The following YWHAQ variants were observed in gnomAD, a reference collection of about 807,000 sequenced individuals.
The protein encoded by YWHAQ is 14-3-3 protein theta.
Under a neutral mutation model 28.3 loss-of-function variants are expected in YWHAQ, and 6 were observed. That is an observed-to-expected ratio of 0.21 (90% CI 0.12 to 0.42). The LOEUF (loss-of-function observed/expected upper bound fraction) is 0.42. YWHAQ is among the 10% of genes least tolerant of loss of function. YWHAQ has a pLI of 1.00. For missense variants in YWHAQ, 201 were observed against 305.6 expected (o/e 0.66, Z 2.55); for synonymous variants, 143 against 119.1 (o/e 1.20, Z -1.31).
At chr2:9,607,019 G>A (rs971885504) in intron 2 of YWHAQ, among the ~76,000 whole-genome samples, 1 of 151,380 alleles carries the variant, frequency 6.6e-6, no homozygotes, top group East Asian at 1.9e-4. Flanking sequence ...CAAGTAGCTG[G>A]GATTACACGT....
At chr2:9,623,734 T>G (rs139130556) in intron 2 of YWHAQ, among the ~76,000 whole-genome samples, 2 of 152,220 alleles carry the variant, frequency 1.3e-5, no homozygotes, top group Non-Finnish European at 2.9e-5. Flanking sequence ...ATTGCGCCAC[T>G]GCACTCTAGC....
intron 2 of YWHAQ, among the ~76,000 whole-genome samples, chr2:9,615,812 C>CA (rs1420583093): frequency 6.6e-6 from 1 of 152,028 alleles, no homozygotes; most frequent in Non-Finnish European, 1.5e-5. Context: ...TAGGAGAACT[C>CA]AAAGAACACG....
chr2:9,624,098 A>G (rs1667198818), intron 2 of YWHAQ, among the ~76,000 whole-genome samples: 1 of 152,180 alleles, frequency 6.6e-6, no homozygotes, highest in Non-Finnish European at 1.5e-5. Context: ...TCTACAAAAA[A>G]TACAAAAATT....
chr2:9,621,686 A>G (rs907160908), intron 2 of YWHAQ, among the ~76,000 whole-genome samples: 7 of 152,176 alleles, frequency 4.6e-5, no homozygotes, highest in Non-Finnish European at 8.8e-5. Context: ...ACCCAAACCC[A>G]TATCAACTAA....
chr2:9,590,677 G>A (rs563236497), intron 3 of YWHAQ, among the ~76,000 whole-genome samples: 4 of 151,624 alleles, frequency 2.6e-5, no homozygotes, highest in South Asian at 2.1e-4. Context: ...TAGGCAATTC[G>A]GTCACTTTTT....
chr2:9,585,524 T>G (rs1361437512), intron 5 of YWHAQ, among the ~76,000 whole-genome samples, 179 bp from the exon 6 acceptor site: 4 of 152,194 alleles, frequency 2.6e-5, no homozygotes, highest in Non-Finnish European at 5.9e-5. Context: ...AAGTACATCC[T>G]TGCAGACCTT....
At chr2:9,610,197 A>G (rs919301739) in intron 2 of YWHAQ, among the ~76,000 whole-genome samples, 7 of 152,224 alleles carry the variant, frequency 4.6e-5, no homozygotes, top group African/African-American at 1.7e-4. Flanking sequence ...TCAACAGCCC[A>G]GTATCTATCT....
intron 2 of YWHAQ, among the ~76,000 whole-genome samples, chr2:9,608,289 C>T (rs763121231): frequency 3.2e-4 from 48 of 152,056 alleles, no homozygotes; most frequent in Non-Finnish European, 6.2e-4. Context: ...TACATCGAGG[C>T]GCTAGATAGG....
At chr2:9,627,368 A>T (rs549122090) in intron 2 of YWHAQ, among the ~76,000 whole-genome samples, 3 of 152,358 alleles carry the variant, frequency 2.0e-5, no homozygotes, top group Admixed American at 2.0e-4. Context: ...CACCAAAGGA[A>T]AAAAAGAAAA....
intron 2 of YWHAQ, among the ~76,000 whole-genome samples, chr2:9,618,188 C>T (rs191824764): frequency 8.8e-4 from 134 of 152,152 alleles, no homozygotes; most frequent in African/African-American, 3.0e-3. Context: ...GATGGCTGCA[C>T]AACTTTGTGA....
intron 2 of YWHAQ, among the ~76,000 whole-genome samples, chr2:9,617,482 T>C (rs1362499845): frequency 1.3e-5 from 2 of 152,168 alleles, no homozygotes; most frequent in African/African-American, 4.8e-5. Context: ...TTCTGTTTAA[T>C]GGGTATAGAG....
rs140186195 is a variant in YWHAQ, at chr2:9,588,812, A to G, written c.419-484T>C. ...AAACAATATTGTGTACTGGGTATTT[A>G]AGAACTTGTTTATGGCCAGGTGCAG... On this transcript the variant is annotated intron_variant, in intron 3 of 5. Transcript: ENST00000238081. Among the ~76,000 whole-genome samples, 614 of 152,218 alleles carry G rather than the reference A, an allele frequency of 4.0e-3. 4 individuals carry two copies. Among genetic ancestry groups the G allele is most frequent in the African/African-American group, 0.014 (583 of 41,530 alleles).
At chr2:9,629,671 C>T (rs183809256) in intron 2 of YWHAQ, among the ~76,000 whole-genome samples, 126 of 152,332 alleles carry the variant, frequency 8.3e-4, no homozygotes, top group Non-Finnish European at 6.5e-4. Context: ...ACAACAGATA[C>T]TCTTACTTGA....
intron 2 of YWHAQ, among the ~76,000 whole-genome samples, chr2:9,613,474 T>C (rs13415111): frequency 0.011 from 1,730 of 152,332 alleles, 34 homozygotes; most frequent in African/African-American, 0.039. Flanking sequence ...GGTAGGCTTA[T>C]GCAATCAAGT....
chr2:9,609,833 AAGAC>A (rs1273787186), intron 2 of YWHAQ, among the ~76,000 whole-genome samples: 1 of 152,238 alleles, frequency 6.6e-6, no homozygotes, highest in Non-Finnish European at 1.5e-5. Context: ...CGTTTCCAGA[AAGAC>A]AGAAGTTCCC....
chr2:9,605,031 A>G (rs944443339), intron 2 of YWHAQ, among the ~76,000 whole-genome samples: 5 of 152,338 alleles, frequency 3.3e-5, no homozygotes, highest in Middle Eastern at 3.4e-3. Flanking sequence ...CTACTTTGAA[A>G]TGATATGTGA....
chr2:9,585,308 G>A lies in YWHAQ; in HGVS notation c.716C>T (p.Ala239Val), dbSNP rs200376025. 11 of 1,613,908 alleles carry A rather than the reference G, an allele frequency of 6.8e-6. No homozygotes were observed. The highest frequency in any genetic ancestry group is 2.2e-5 in the East Asian group (1 of 44,880). Residue 239 changes from alanine to valine, a missense_variant, in exon 6 of 6, where the codon GCG becomes GTG. Around this residue, in one of 2 missense-constraint regions of YWHAQ, gnomAD observed 39 missense variants for 91.7 expected, o/e 0.43. Transcript: ENST00000238081. ...GATTTAGTTTTCAGCCCCTTCTGCCGCATCACATTCTTCTCCTGCACTGTC... is the reference window on the plus strand; with the variant it reads ...GATTTAGTTTTCAGCCCCTTCTGCCACATCACATTCTTCTCCTGCACTGTC... Reference protein sequence around the residue: ...TSDSAGEECDAAEGAEN With the variant: ...TSDSAGEECDVAEGAEN
chr2:9,595,523 G>A (rs1396298909), intron 2 of YWHAQ, among the ~76,000 whole-genome samples: 3 of 151,796 alleles, frequency 2.0e-5, no homozygotes, highest in Non-Finnish European at 4.4e-5. Context: ...TGACCACCAC[G>A]GTGAAACCCC....
intron 2 of YWHAQ, among the ~76,000 whole-genome samples, chr2:9,619,835 G>T (rs1667107835): frequency 1.3e-5 from 2 of 152,154 alleles, no homozygotes; most frequent in Admixed American, 1.3e-4. Flanking sequence ...AACAGTACCA[G>T]GCTGAAAGAT....
Sources: gnomAD v4.1 joint callset for allele counts (sites outside exome capture counted in the v4.1 genomes callset) on GRCh38, gnomAD v4.1.1 for gene constraint, gnomAD v4.1.1 regional missense constraint, MANE v1.5 for transcripts, NCBI Gene and HGNC (gene_info 2026-07-23, HGNC 2026-07-21) for gene names.